ATXN7: variants seen among roughly 807,000 people sequenced by gnomAD.
ATXN7 encodes ataxin 7.
Under a neutral mutation model 70.5 loss-of-function variants are expected in ATXN7, and 12 were observed. That is an observed-to-expected ratio of 0.17 (90% CI 0.11 to 0.28). ATXN7 has a LOEUF of 0.28. ATXN7 is among the 10% of genes least tolerant of loss of function. The pLI, the probability that ATXN7 is intolerant of heterozygous loss-of-function variation, is 1.00. For missense variants in ATXN7, 1,256 were observed against 1,131.7 expected, an observed-to-expected ratio of 1.11 and a Z score of -1.58; for synonymous variants, 498 against 448.7, an observed-to-expected ratio of 1.11 and a Z score of -1.39.
At chr3:63,969,937 G>T (rs921111873) in intron 5 of ATXN7, among the ~76,000 whole-genome samples, 2 of 152,142 alleles carry the variant, frequency 1.3e-5, no homozygotes, top group Non-Finnish European at 2.9e-5. Flanking sequence ...GGTGTAAGAG[G>T]GAGAAAGGGG....
rs376455162 is a variant in ATXN7, at chr3:63,990,231, G to C, written c.1417G>C (p.Val473Leu). The C allele has an allele frequency of 1.6e-4, 252 of 1,613,740 alleles. No individual in the cohort carries two copies. Among genetic ancestry groups the C allele is most frequent in the Non-Finnish European group, 2.0e-4 (241 of 1,180,004 alleles). The change falls in exon 10 of 13, where the codon GTC (valine) becomes CTC (leucine). Residue 473 changes from valine (V) to leucine (L), a missense_variant. Transcript: ENST00000674280. Reference protein sequence around the residue: ...GGSAPIDPPPVHESPHPPLPA... With the variant: ...GGSAPIDPPPLHESPHPPLPA... ...GAGTGCCCCCATTGACCCTCCTCCA[G>C]TCCATGAATCTCCACACCCTCCCCT...
chr3:63,930,210 T>C (rs1704894998), intron 4 of ATXN7, among the ~76,000 whole-genome samples: 1 of 152,240 alleles, frequency 6.6e-6, no homozygotes, highest in African/African-American at 2.4e-5. Flanking sequence ...GAGACAGATT[T>C]TCCTTGCATT....
chr3:63,957,321 C>A (rs1224969337), intron 5 of ATXN7, among the ~76,000 whole-genome samples: 2 of 152,166 alleles, frequency 1.3e-5, no homozygotes, highest in Non-Finnish European at 2.9e-5. Context: ...GTATTTGCTT[C>A]AGATTAGTTA....
At chr3:63,882,654 G>C (rs1380738291) in intron 1 of ATXN7, among the ~76,000 whole-genome samples, 4 of 152,034 alleles carry the variant, frequency 2.6e-5, no homozygotes, top group African/African-American at 7.3e-5. Flanking sequence ...CCAAAGTGCT[G>C]GGATTACAGG....
chr3:63,928,252 C>T (rs1704793801), intron 4 of ATXN7, among the ~76,000 whole-genome samples: 1 of 152,126 alleles, frequency 6.6e-6, no homozygotes, highest in South Asian at 2.1e-4. Context: ...ATTGAGCTGT[C>T]TTCATGCCAC....
chr3:63,868,130 G>A (rs912884432), intron 1 of ATXN7, among the ~76,000 whole-genome samples: 1 of 152,164 alleles, frequency 6.6e-6, no homozygotes, highest in Non-Finnish European at 1.5e-5. Context: ...TGGAGTAAAT[G>A]GGTCTTTCAG....
intron 5 of ATXN7, among the ~76,000 whole-genome samples, chr3:63,976,362 A>G (rs2075388528): frequency 6.6e-6 from 1 of 152,204 alleles, no homozygotes; most frequent in Non-Finnish European, 1.5e-5. Flanking sequence ...CAGTAGCATG[A>G]CAAGAATTTG....
intron 2 of ATXN7, among the ~76,000 whole-genome samples, chr3:63,909,491 G>A (rs1366267988): frequency 6.6e-6 from 1 of 152,180 alleles, no homozygotes; most frequent in Admixed American, 6.5e-5. Context: ...CTAGGTAAGA[G>A]GTCATCAAGT....
At chr3:63,956,986 T>C (rs942592530) in intron 5 of ATXN7, among the ~76,000 whole-genome samples, 2 of 152,188 alleles carry the variant, frequency 1.3e-5, no homozygotes, top group African/African-American at 4.8e-5. Context: ...GGTCCTATAC[T>C]GGCTACTGAA....
chr3:63,951,597 C>G (rs1378568481), intron 4 of ATXN7, among the ~76,000 whole-genome samples: 1 of 152,096 alleles, frequency 6.6e-6, no homozygotes, highest in Non-Finnish European at 1.5e-5. Flanking sequence ...GCTCTGTTCC[C>G]CAAATTGTTG....
chr3:63,998,178 C>T (rs973693182), intron 12 of ATXN7: 14 of 920,378 alleles, frequency 1.5e-5, no homozygotes, highest in African/African-American at 7.7e-5. Flanking sequence ...TCTTAATGCC[C>T]ACAAGTAACA....
chr3:63,941,177 A>G (rs1161644055), intron 4 of ATXN7, among the ~76,000 whole-genome samples: 2 of 152,156 alleles, frequency 1.3e-5, no homozygotes. Flanking sequence ...GCCATTTGTA[A>G]TTAGTGAGTA....
At position 63,903,386 on chromosome 3, in the gene ATXN7, C is replaced by CAA. The variant is rs775558434; in HGVS notation, c.-12+4911_-12+4912dup. On this transcript the variant is annotated intron_variant, in intron 2 of 12. Coordinates refer to ENST00000674280, the MANE Select transcript of ATXN7 (RefSeq NM_001377405.1). Reference sequence around the variant, plus strand: ...TGGGCAACAGAGCAAGACTCCGTCTCAAAAAAAAAAAAAAAAAAAAAAAGG... The same window carrying CAA: ...TGGGCAACAGAGCAAGACTCCGTCTCAAAAAAAAAAAAAAAAAAAAAAAAAGG... Among the ~76,000 whole-genome samples the CAA allele has an allele frequency of 6.5e-3, 312 of 47,934 alleles. 5 individuals are homozygous for CAA. Among genetic ancestry groups the CAA allele is most frequent in the Middle Eastern group, 0.012 (1 of 84 alleles). The allele number at this position is 47,934 out of a possible 152,430, so 31.4% of individuals were successfully genotyped here. A position where few individuals can be genotyped will look rare whatever the true frequency, so the allele number is the denominator to read the frequency against.
chr3:63,966,321 G>A (rs889068322), intron 5 of ATXN7, among the ~76,000 whole-genome samples: 2 of 152,150 alleles, frequency 1.3e-5, no homozygotes, highest in African/African-American at 4.8e-5. Context: ...AGGTGAAGTA[G>A]GGTGAACAAT....
rs766604060 is a variant in ATXN7, at chr3:63,995,926, G to A, written c.2104G>A (p.Gly702Ser). 12 of 1,614,028 alleles carry A rather than the reference G, an allele frequency of 7.4e-6. No homozygotes were observed. Among genetic ancestry groups the A allele is most frequent in the Admixed American group, 5.0e-5 (3 of 59,996 alleles). The change falls in exon 12 of 13, where the codon GGC becomes AGC. Residue 702 changes from glycine (G) to serine (S), a missense_variant. Transcript: ENST00000674280. Reference sequence around the variant, plus strand: ...AAATGCCAGTAGCAGTACCAGTGGCGGCTCAGGAAAGAAACGCAAAAACAG... The same window carrying A: ...AAATGCCAGTAGCAGTACCAGTGGCAGCTCAGGAAAGAAACGCAAAAACAG... Reference protein sequence around the residue: ...CQNASSSTSGGSGKKRKNSSP... With the variant: ...CQNASSSTSGSSGKKRKNSSP...
chr3:63,904,292 T>TC, intron 2 of ATXN7: 1 of 152,102 alleles, frequency 6.6e-6, no homozygotes, highest in African/African-American at 2.4e-5. Context: ...ATAATTTTTT[T>TC]TTTTTTTTTT....
At chr3:63,867,868 G>C (rs1338049714) in intron 1 of ATXN7, among the ~76,000 whole-genome samples, 2 of 152,116 alleles carry the variant, frequency 1.3e-5, no homozygotes, top group African/African-American at 4.8e-5. Context: ...CTGGGCAACA[G>C]AGTAAGACAC....
chr3:63,982,824 G>A (rs1200156345), intron 7 of ATXN7, 115 bp from the exon 8 acceptor site: 1 of 798,644 alleles, frequency 1.3e-6, no homozygotes, highest in African/African-American at 1.7e-5. Context: ...TTGATAATGT[G>A]GCTTTTATTC....
At chr3:63,902,468 G>T (rs1201600697) in intron 2 of ATXN7, among the ~76,000 whole-genome samples, 1 of 152,134 alleles carries the variant, frequency 6.6e-6, no homozygotes. Flanking sequence ...TATGTGAGTT[G>T]TATTTAAAAA....
Sources: gnomAD v4.1 joint callset for allele counts (sites outside exome capture counted in the v4.1 genomes callset) on GRCh38, gnomAD v4.1.1 for gene constraint, MANE v1.5 for transcripts, NCBI Gene and HGNC (gene_info 2026-07-23, HGNC 2026-07-21) for gene names.